The following SLCO4A1 variants were observed in gnomAD, a reference collection of about 807,000 sequenced individuals.
The protein encoded by SLCO4A1 is colon organic anion transporter.
Under a neutral mutation model 64.6 loss-of-function variants are expected in SLCO4A1, and 51 were observed. The ratio of observed to expected loss-of-function variants is 0.79; its 90% CI spans 0.63 to 1.00. SLCO4A1 has a LOEUF of 1.00. Ranked by LOEUF, SLCO4A1 falls within the 50% of genes least tolerant of loss-of-function variation. SLCO4A1 has a pLI of 0.00. For missense variants in SLCO4A1, 919 were observed against 980.5 expected, an observed-to-expected ratio of 0.94 and a Z score of 0.84; for synonymous variants, 471 against 444.9, an observed-to-expected ratio of 1.06 and a Z score of -0.74.
chr20:62,681,901 G>A (rs1314594700), intron 2 of SLCO4A1, among the ~76,000 whole-genome samples: 1 of 151,930 alleles, frequency 6.6e-6, no homozygotes, highest in Non-Finnish European at 1.5e-5. Flanking sequence ...TTGGTAGTTT[G>A]CAAAAACTTT....
At chr20:62,671,206 C>T (rs376548490) in intron 11 of SLCO4A1, among the ~76,000 whole-genome samples, 17 of 152,336 alleles carry the variant, frequency 1.1e-4, no homozygotes, top group South Asian at 6.2e-4. Flanking sequence ...TTCCTGTGGC[C>T]GCCACGACAA....
intron 4 of SLCO4A1, 45 bp downstream of exon 4, chr20:62,660,578 C>A: frequency 1.9e-6 from 3 of 1,592,512 alleles, no homozygotes; most frequent in East Asian, 2.2e-5. Flanking sequence ...GGGAGACTGT[C>A]CCTTAGTCTT....
At position 62,668,060 on chromosome 20, in the gene SLCO4A1, G is replaced by A; in HGVS notation, c.1687G>A (p.Gly563Ser). 6.2e-7 allele frequency: 1 copy of A among 1,613,958 alleles called. No individual in the cohort carries two copies. Among genetic ancestry groups the A allele is most frequent in the Non-Finnish European group, 8.5e-7 (1 of 1,180,008 alleles). ...CIPQNLSSGF[G>S]HATAGKCTST... ...CCCTCAGAATCTTTCCTCTGGTTTT[G>A]GCCATGCCACTGCAGGGAAATGCAC... Residue 563 changes from glycine to serine, a missense_variant, in exon 9 of 12, where the codon GGC (glycine) becomes AGC (serine). Physicochemically the swap from Gly to Ser is moderately conservative, Grantham distance 56. Coordinates refer to ENST00000217159, the MANE Select transcript of SLCO4A1 (RefSeq NM_016354.4).
chr20:62,647,055 G>C (rs891720778), intron 1 of SLCO4A1, among the ~76,000 whole-genome samples: 1 of 152,264 alleles, frequency 6.6e-6, no homozygotes, highest in Non-Finnish European at 1.5e-5. Flanking sequence ...ATGGCTTCCT[G>C]CCTGCTCGCC....
intron 1 of SLCO4A1, chr20:62,651,230 C>T (rs1040463481): frequency 3.9e-5 from 6 of 152,212 alleles, no homozygotes; most frequent in South Asian, 2.1e-4. Flanking sequence ...ATCTAGACAC[C>T]GCTGTTTTAA....
downstream of SLCO4A1, among the ~76,000 whole-genome samples, chr20:62,690,726 A>G (rs1988200364): frequency 6.6e-6 from 1 of 152,060 alleles, no homozygotes; most frequent in African/African-American, 2.4e-5. Context: ...ACGCGCTTTC[A>G]TTTGTTTTGT....
intron 7 of SLCO4A1, 158 bp downstream of exon 7, chr20:62,666,733 G>A (rs896963041): frequency 3.0e-5 from 20 of 659,126 alleles, no homozygotes; most frequent in South Asian, 7.2e-5. Context: ...CAGGGCACCC[G>A]GCAGCATCCA....
At chr20:62,647,931 C>T (rs1473423441) in intron 1 of SLCO4A1, among the ~76,000 whole-genome samples, 3 of 152,234 alleles carry the variant, frequency 2.0e-5, no homozygotes, top group Non-Finnish European at 4.4e-5. Flanking sequence ...CCTCCTATCC[C>T]GGAGATGCAG....
intron 9 of SLCO4A1, 80 bp downstream of exon 9, chr20:62,668,264 G>A (rs1986738001): frequency 6.5e-7 from 1 of 1,530,236 alleles, no homozygotes; most frequent in African/African-American, 1.4e-5. Context: ...TCCTGAGACA[G>A]GAGCACTCCA....
chr20:62,667,644 G>A lies in SLCO4A1; in HGVS notation c.1473-101G>A, dbSNP rs1023618603. The A allele has an allele frequency of 7.2e-6, 10 of 1,398,010 alleles. No homozygotes were observed. The South Asian group carries it at 1.4e-4, about 19-fold the overall frequency. The allele number at this position is 1,398,010 out of a possible 1,614,324, so 86.6% of individuals were successfully genotyped here. A position where few individuals can be genotyped will look rare whatever the true frequency, so the allele number is the denominator to read the frequency against. On this transcript the variant is annotated intron_variant, in intron 7 of 11. Coordinates refer to ENST00000217159, the MANE Select transcript of SLCO4A1 (RefSeq NM_016354.4). ...CTTGGCAAGTTTGTAGACCCGAAAT[G>A]CAGGCTGCATGGGGACGAGCCCCAT...
chr20:62,651,290 GA>G (rs1982457964), intron 1 of SLCO4A1: 1 of 152,216 alleles, frequency 6.6e-6, no homozygotes, highest in Non-Finnish European at 1.5e-5. Context: ...AGAGAACCCG[GA>G]GCTGAAACTC....
intron 2 of SLCO4A1, among the ~76,000 whole-genome samples, chr20:62,681,925 T>A (rs1185604408): frequency 6.6e-6 from 1 of 152,176 alleles, no homozygotes; most frequent in Non-Finnish European, 1.5e-5. Flanking sequence ...GCTACAAGGA[T>A]GAACTAATTT....
intron 11 of SLCO4A1, among the ~76,000 whole-genome samples, chr20:62,671,264 C>T (rs916226371): frequency 3.3e-5 from 5 of 152,218 alleles, no homozygotes; most frequent in African/African-American, 1.2e-4. Flanking sequence ...GATTCGCTTG[C>T]AGGTGGGGGC....
At chr20:62,672,891 G>A (rs1322593106), downstream of SLCO4A1, among the ~76,000 whole-genome samples, 1 of 145,574 alleles carries the variant, frequency 6.9e-6, no homozygotes, top group African/African-American at 2.4e-5. Context: ...TTAGTTTCAG[G>A]TGGGTCAGAT....
At chr20:62,643,056 G>T in intron 1 of SLCO4A1, 2 of 469,762 alleles carry the variant, frequency 4.3e-6, no homozygotes, top group South Asian at 3.1e-5. Context: ...AAACCTTCAT[G>T]CACGGAAGTT....
intron 1 of SLCO4A1, among the ~76,000 whole-genome samples, chr20:62,650,924 T>A (rs1982367847): frequency 6.6e-6 from 1 of 152,158 alleles, no homozygotes; most frequent in South Asian, 2.1e-4. Context: ...CAGGCAGAGT[T>A]CTCATCCCTC....
At chr20:62,688,803 C>T (rs1283282715), downstream of SLCO4A1, among the ~76,000 whole-genome samples, 1 of 152,230 alleles carries the variant, frequency 6.6e-6, no homozygotes. Flanking sequence ...AAGCACCAAA[C>T]ACAGGGGAGA....
At position 62,667,988 on chromosome 20, in the gene SLCO4A1, C is replaced by T. The variant is rs368654695; in HGVS notation, c.1639-24C>T. The T allele has an allele frequency of 1.5e-4, 239 of 1,614,018 alleles. 2 individuals are homozygous for T. The South Asian group carries it at 1.7e-3, about 12-fold the overall frequency. Reference sequence around the variant, plus strand: ...GGCCCCCGTGCCTTCCCCTTGTAATCGGAGCTATTGTTGGGCTTCCCAGGT... The same window carrying T: ...GGCCCCCGTGCCTTCCCCTTGTAATTGGAGCTATTGTTGGGCTTCCCAGGT... On this transcript the variant is annotated intron_variant, in intron 8 of 11. Coordinates refer to ENST00000217159, the MANE Select transcript of SLCO4A1 (RefSeq NM_016354.4).
intron 2 of SLCO4A1, among the ~76,000 whole-genome samples, chr20:62,684,656 C>A (rs1455599051): frequency 1.3e-5 from 2 of 152,168 alleles, no homozygotes; most frequent in Non-Finnish European, 2.9e-5. Context: ...AGGCCACTGA[C>A]ACGAGCTCAT....
Sources: gnomAD v4.1 joint callset for allele counts (sites outside exome capture counted in the v4.1 genomes callset) on GRCh38, gnomAD v4.1.1 for gene constraint, MANE v1.5 for transcripts, NCBI Gene and HGNC (gene_info 2026-07-23, HGNC 2026-07-21) for gene names.